Variants in CDH4 observed in about 807,000 individuals in gnomAD.
CDH4 encodes the protein cadherin-4.
A neutral mutation model predicts 86.0 loss-of-function variants in CDH4; 33 were observed. The ratio of observed to expected loss-of-function variants is 0.38; its 90% CI spans 0.29 to 0.51. CDH4 has a LOEUF of 0.51. Among genes scored for constraint, CDH4 ranks in the 20% least tolerant of loss-of-function variants. CDH4 has a pLI of 0.86. For synonymous variants in CDH4, 555 were observed against 549.4 expected, an observed-to-expected ratio of 1.01 and a Z score of -0.14; for missense variants, 1,114 against 1,307.4, an observed-to-expected ratio of 0.85 and a Z score of 2.28.
chr20:61,495,065 G>A (rs1280067600), intron 2 of CDH4, among the ~76,000 whole-genome samples: 2 of 152,260 alleles, frequency 1.3e-5, no homozygotes, highest in Non-Finnish European at 2.9e-5. Context: ...CATGGCAGGG[G>A]CAGGAGAACA....
intron 2 of CDH4, among the ~76,000 whole-genome samples, chr20:61,433,148 T>A (rs575520061): frequency 1.2e-4 from 19 of 152,302 alleles, no homozygotes; most frequent in Admixed American, 9.2e-4. Context: ...CTATGATGGA[T>A]TCTGAGTTAA....
At chr20:61,288,346 G>A (rs2084304017) in intron 2 of CDH4, among the ~76,000 whole-genome samples, 1 of 152,204 alleles carries the variant, frequency 6.6e-6, no homozygotes, top group Non-Finnish European at 1.5e-5. Context: ...GCTCTTGGCA[G>A]ACAACCTAAT....
At chr20:61,421,818 G>A (rs919535914) in intron 2 of CDH4, among the ~76,000 whole-genome samples, 1 of 152,186 alleles carries the variant, frequency 6.6e-6, no homozygotes, top group African/African-American at 2.4e-5. Context: ...CACTGGGTGT[G>A]CACTAGGGTA....
chr20:61,463,576 A>G (rs1382204002), intron 2 of CDH4, among the ~76,000 whole-genome samples: 1 of 152,258 alleles, frequency 6.6e-6, no homozygotes, highest in Non-Finnish European at 1.5e-5. Context: ...CCAATCAGTC[A>G]GGAGTGAAGA....
intron 2 of CDH4, among the ~76,000 whole-genome samples, chr20:61,565,322 C>G (rs1168747925): frequency 3.0e-4 from 7 of 23,342 alleles, no homozygotes; most frequent in Non-Finnish European, 4.0e-4. Context: ...GGTGGCGGTG[C>G]TCTTGGTGAT....
intron 4 of CDH4, among the ~76,000 whole-genome samples, chr20:61,841,947 G>A (rs1290085432): frequency 2.0e-5 from 3 of 152,174 alleles, no homozygotes; most frequent in Non-Finnish European, 2.9e-5. Flanking sequence ...TGGGGTGGCC[G>A]GTGTGCGGGG....
chr20:61,547,367 T>G (rs1373495850), intron 2 of CDH4, among the ~76,000 whole-genome samples: 1 of 151,800 alleles, frequency 6.6e-6, no homozygotes, highest in Non-Finnish European at 1.5e-5. Flanking sequence ...CACCTGCCAC[T>G]GCGCCCGGCT....
chr20:61,385,154 G>A (rs908470850), intron 2 of CDH4, among the ~76,000 whole-genome samples: 3 of 142,998 alleles, frequency 2.1e-5, no homozygotes, highest in African/African-American at 5.4e-5. Context: ...CATCCTCTCC[G>A]AACAGTACTC....
At chr20:61,922,423 C>T (rs2054992457) in intron 9 of CDH4, among the ~76,000 whole-genome samples, 1 of 152,142 alleles carries the variant, frequency 6.6e-6, no homozygotes, top group South Asian at 2.1e-4. Flanking sequence ...CCTGGTGCAC[C>T]AGAAGGGCAC....
intron 2 of CDH4, among the ~76,000 whole-genome samples, chr20:61,712,978 G>A (rs1439377324): frequency 5.3e-5 from 8 of 152,254 alleles, no homozygotes; most frequent in South Asian, 2.1e-4. Context: ...CACTGGGGAT[G>A]GCCCTGAGAC....
intron 2 of CDH4, among the ~76,000 whole-genome samples, chr20:61,394,144 G>A (rs1469635570): frequency 6.6e-6 from 1 of 152,118 alleles, no homozygotes; most frequent in Non-Finnish European, 1.5e-5. Context: ...CGTGTCTCAG[G>A]TTCAGCCAGT....
chr20:61,904,693 A>G (rs1045778745), intron 8 of CDH4, among the ~76,000 whole-genome samples: 3 of 152,104 alleles, frequency 2.0e-5, no homozygotes, highest in African/African-American at 7.2e-5. Context: ...AGAGGGGACC[A>G]CCCTGCTGTG....
At position 61,333,207 on chromosome 20, in the gene CDH4, G is replaced by C. The variant is rs150734585; in HGVS notation, c.169+78270G>C. 2.2e-4 allele frequency among the ~76,000 whole-genome samples: 34 copies of C among 152,132 alleles called. No individual in the cohort carries two copies. The East Asian group carries it at 6.4e-3, about 29-fold the overall frequency. ...GACAACTGCTTGTAATCACACACACGTATACACGTGCAGACACGCATGCAC... is the reference window on the plus strand; with the variant it reads ...GACAACTGCTTGTAATCACACACACCTATACACGTGCAGACACGCATGCAC... On this transcript the variant is annotated intron_variant, in intron 2 of 15. Transcript: ENST00000614565.
At chr20:61,910,718 T>G in intron 9 of CDH4, 111 bp downstream of exon 9, 1 of 1,008,458 alleles carries the variant, frequency 9.9e-7, no homozygotes, top group Non-Finnish European at 1.5e-6. Flanking sequence ...GCCCCCCTAA[T>G]ATCCAAGGGT....
Position 61,628,734 on chromosome 20 carries a change from A to G in CDH4, c.170-114829A>G, listed in dbSNP as rs150613049. Among the ~76,000 whole-genome samples the G allele has an allele frequency of 3.1e-3, 478 of 152,310 alleles. 6 individuals are homozygous for G. The highest frequency in any genetic ancestry group is 0.011 in the African/African-American group (456 of 41,582). ...CTCACGCCCACTGACTTGGGATGTCACACAGAGACTTGCAGCCAAGAAGAC... is the reference window on the plus strand; with the variant it reads ...CTCACGCCCACTGACTTGGGATGTCGCACAGAGACTTGCAGCCAAGAAGAC... On this transcript the variant is annotated intron_variant, in intron 2 of 15. Coordinates refer to ENST00000614565, the MANE Select transcript of CDH4 (RefSeq NM_001794.5).
intron 2 of CDH4, among the ~76,000 whole-genome samples, chr20:61,701,047 C>T (rs906567923): frequency 2.0e-5 from 3 of 152,206 alleles, no homozygotes; most frequent in Non-Finnish European, 4.4e-5. Context: ...GAGGCATCGG[C>T]AGGGGTGGTT....
intron 4 of CDH4, among the ~76,000 whole-genome samples, chr20:61,792,966 T>TTTG (rs1485558761): frequency 6.8e-6 from 1 of 147,404 alleles, no homozygotes; most frequent in East Asian, 2.1e-4. Context: ...TTTTTTTGTT[T>TTTG]TTGTTTTTGT....
chr20:61,567,698 A>G (rs999824184), intron 2 of CDH4, among the ~76,000 whole-genome samples: 3 of 152,250 alleles, frequency 2.0e-5, no homozygotes, highest in African/African-American at 7.2e-5. Context: ...GCATGTAGAA[A>G]TAGGCCAGGT....
intron 2 of CDH4, among the ~76,000 whole-genome samples, chr20:61,441,770 G>T (rs553465574): frequency 6.6e-6 from 1 of 152,166 alleles, no homozygotes; most frequent in African/African-American, 2.4e-5. Context: ...AGAGCTGTGA[G>T]CAATAAATTT....
Sources: gnomAD v4.1 joint callset for allele counts (sites outside exome capture counted in the v4.1 genomes callset) on GRCh38, gnomAD v4.1.1 for gene constraint, MANE v1.5 for transcripts, NCBI Gene and HGNC (gene_info 2026-07-23, HGNC 2026-07-21) for gene names.